Variants in RARB observed in about 807,000 individuals in gnomAD.
The protein encoded by RARB is HBV-activated protein.
In RARB, 17 loss-of-function variants were observed where a neutral mutation model predicts 51.9. That is an observed-to-expected ratio of 0.33 (90% CI 0.22 to 0.49). The LOEUF (loss-of-function observed/expected upper bound fraction) is 0.49, where lower values mean the gene tolerates loss of function less well. Among genes scored for constraint, RARB ranks in the 20% least tolerant of loss-of-function variants. RARB has a pLI of 0.99. For synonymous variants in RARB, 215 were observed against 195.4 expected (o/e 1.10, Z -0.84); for missense variants, 369 against 550.8 (o/e 0.67, Z 3.30).
At chr3:25,159,397 G>C (rs1700437448) in intron 4 of RARB, among the ~76,000 whole-genome samples, 1 of 124,002 alleles carries the variant, frequency 8.1e-6, no homozygotes, top group Non-Finnish European at 1.7e-5. Context: ...TCGAACTCCT[G>C]ACCTCAGATG....
chr3:24,861,814 G>A (rs1702754048), intron 2 of RARB, among the ~76,000 whole-genome samples: 1 of 151,968 alleles, frequency 6.6e-6, no homozygotes, highest in Non-Finnish European at 1.5e-5. Flanking sequence ...AAAAAGACAA[G>A]TGACATTTTA....
At chr3:25,539,722 A>C (rs1699297663) in intron 3 of RARB, among the ~76,000 whole-genome samples, 1 of 151,950 alleles carries the variant, frequency 6.6e-6, no homozygotes, top group Non-Finnish European at 1.5e-5. Context: ...GAGTACAGGA[A>C]AATGATCATC....
At chr3:25,143,181 A>G (rs115751098) in intron 4 of RARB, among the ~76,000 whole-genome samples, 1 of 152,084 alleles carries the variant, frequency 6.6e-6, no homozygotes, top group African/African-American at 2.4e-5. Context: ...CAACTCACCT[A>G]GCAGTCTCTC....
chr3:25,288,848 C>T (rs879347750), intron 5 of RARB, among the ~76,000 whole-genome samples: 22 of 152,076 alleles, frequency 1.4e-4, no homozygotes, highest in African/African-American at 4.8e-4. Flanking sequence ...GATCTTCATT[C>T]CACTTGTTCT....
At chr3:25,450,144 A>G (rs1436013648) in intron 1 of RARB, among the ~76,000 whole-genome samples, 1 of 152,172 alleles carries the variant, frequency 6.6e-6, no homozygotes, top group African/African-American at 2.4e-5. Context: ...ACTAGCCTAC[A>G]GTATATGCTC....
At chr3:25,372,958 A>T (rs1300344954) in intron 5 of RARB, among the ~76,000 whole-genome samples, 4 of 152,208 alleles carry the variant, frequency 2.6e-5, no homozygotes, top group Non-Finnish European at 5.9e-5. Flanking sequence ...GAAGGGAAAG[A>T]TAAGAGTCAA....
intron 2 of RARB, among the ~76,000 whole-genome samples, chr3:25,494,040 T>C (rs933605286): frequency 6.6e-6 from 1 of 152,186 alleles, no homozygotes; most frequent in African/African-American, 2.4e-5. Context: ...GGATTAGGTA[T>C]TTGTATTGAT....
chr3:24,971,282 G>A (rs964865813), intron 2 of RARB, among the ~76,000 whole-genome samples: 4 of 151,916 alleles, frequency 2.6e-5, no homozygotes, highest in Admixed American at 2.0e-4. Flanking sequence ...AGGCTAGGAG[G>A]TTAGTCATTT....
intron 2 of RARB, among the ~76,000 whole-genome samples, chr3:24,901,280 G>A (rs945715193): frequency 1.3e-5 from 2 of 152,198 alleles, no homozygotes; most frequent in African/African-American, 2.4e-5. Flanking sequence ...GGAGTATTAC[G>A]GGTGGACATA....
intron 4 of RARB, among the ~76,000 whole-genome samples, chr3:25,580,217 A>G (rs1701112971): frequency 6.6e-6 from 1 of 152,100 alleles, no homozygotes; most frequent in Middle Eastern, 3.2e-3. Context: ...TGCTAAAAAT[A>G]CAAAAGGTTA....
chr3:25,507,097 G>C (rs1697646423), intron 3 of RARB, among the ~76,000 whole-genome samples: 2 of 152,204 alleles, frequency 1.3e-5, no homozygotes, highest in Non-Finnish European at 2.9e-5. Flanking sequence ...AAAGCTCCAT[G>C]AACCGCAAAC....
rs538072121 is a variant in RARB at position 24,844,244 on chromosome 3, G to A, written c.-458-14430G>A. Among the ~76,000 whole-genome samples, 6 of 152,330 alleles carry A rather than the reference G, an allele frequency of 3.9e-5. No individual in the cohort carries two copies. In the East Asian group the frequency reaches 1.2e-3, roughly 29 times the overall value. ...GAGATCTGCTGAGGTTCTGAAAGCT[G>A]TCACATGCGTGCAGCCAGAACAAAG... On this transcript the variant is annotated intron_variant, in intron 1 of 11. Transcript: ENST00000383772.
At chr3:25,030,668 A>G (rs1341845744) in intron 2 of RARB, among the ~76,000 whole-genome samples, 1 of 152,196 alleles carries the variant, frequency 6.6e-6, no homozygotes, top group Non-Finnish European at 1.5e-5. Context: ...GTTTTGTCAT[A>G]CAATTTTGAG....
intron 2 of RARB, among the ~76,000 whole-genome samples, chr3:25,004,829 C>G (rs996187075): frequency 4.6e-5 from 7 of 152,098 alleles, no homozygotes; most frequent in African/African-American, 1.7e-4. Context: ...TACTGGGTAG[C>G]ATTTTTTTAA....
intron 3 of RARB, among the ~76,000 whole-genome samples, chr3:25,543,176 T>A (rs1013428314): frequency 6.6e-6 from 1 of 152,188 alleles, no homozygotes; most frequent in Non-Finnish European, 1.5e-5. Flanking sequence ...AAGACACTCA[T>A]GTGTACATAC....
intron 2 of RARB, among the ~76,000 whole-genome samples, chr3:24,909,182 A>C (rs1168267902): frequency 1.3e-5 from 2 of 152,158 alleles, no homozygotes; most frequent in Non-Finnish European, 2.9e-5. Flanking sequence ...CCAAGTCAGG[A>C]TTTATGCTGC....
intron 5 of RARB, among the ~76,000 whole-genome samples, chr3:25,302,856 AT>A (rs1457946239): frequency 1.3e-5 from 2 of 152,234 alleles, no homozygotes; most frequent in African/African-American, 4.8e-5. Context: ...GGTTCCACTT[AT>A]CCACACTTTT....
At position 25,580,703 on chromosome 3, in the gene RARB, C is replaced by T; in HGVS notation, c.767C>T (p.Ala256Val). The stretch of plus-strand genomic sequence containing the variant: ...GCAGACCAAATTACCCTGCTGAAGG[C>T]CGCCTGCCTGGACATCCTGGTATGT... ...TIADQITLLK[A>V]ACLDILILRI... is the part of the protein sequence containing the mutation. Residue 256 changes from alanine to valine, a missense_variant, in exon 5 of 8, where the codon GCC becomes GTC. Around this residue, in one of 9 missense-constraint regions of RARB, gnomAD observed 49 missense variants for 103.4 expected, o/e 0.47. Coordinates refer to ENST00000330688, the MANE Select transcript of RARB (RefSeq NM_000965.5). 1 of 1,605,658 alleles carries T rather than the reference C, an allele frequency of 6.2e-7. No homozygotes were observed.
chr3:25,164,031 G>T (rs1306234949), intron 4 of RARB, among the ~76,000 whole-genome samples: 1 of 152,144 alleles, frequency 6.6e-6, no homozygotes, highest in African/African-American at 2.4e-5. Flanking sequence ...AAGGAGTGCA[G>T]ACAGAGGTGT....
Sources: allele counts gnomAD v4.1 joint callset (sites outside exome capture counted in the v4.1 genomes callset), GRCh38; gene constraint gnomAD v4.1.1; regional missense constraint gnomAD v4.1.1; transcripts MANE v1.5; gene names NCBI Gene and HGNC (gene_info 2026-07-23, HGNC 2026-07-21).